FHIT: variants seen among roughly 807,000 people sequenced by gnomAD.
FHIT encodes bis(5'-adenosyl)-triphosphatase.
A neutral mutation model predicts 17.9 loss-of-function variants in FHIT; 19 were observed. The observed-to-expected ratio is 1.06, with a 90% confidence interval of 0.74 to 1.56. The LOEUF (loss-of-function observed/expected upper bound fraction) is 1.56. FHIT is among the 40% of genes most tolerant of loss of function. The pLI is 0.00. For missense variants in FHIT, 248 were observed against 189.2 expected, an observed-to-expected ratio of 1.31 and a Z score of -1.82; for synonymous variants, 81 against 69.7, an observed-to-expected ratio of 1.16 and a Z score of -0.81.
Position 59,934,613 on chromosome 3 carries a change from G to A in FHIT, c.280-12199C>T, listed in dbSNP as rs540678868. 9.2e-5 allele frequency among the ~76,000 whole-genome samples: 14 copies of A among 152,238 alleles called. No homozygotes were observed. The South Asian group carries it at 2.7e-3, about 29-fold the overall frequency. On this transcript the variant is annotated intron_variant, in intron 7 of 9. Transcript: ENST00000492590. ...AATAAAGACATACCTGAGACTGGGTGATTTATAAAGGAAAGAGGTTTAATT... is the reference window on the plus strand; with the variant it reads ...AATAAAGACATACCTGAGACTGGGTAATTTATAAAGGAAAGAGGTTTAATT...
intron 7 of FHIT, among the ~76,000 whole-genome samples, chr3:59,970,825 TC>T (rs1488670961): frequency 1.5e-5 from 2 of 132,336 alleles, no homozygotes; most frequent in East Asian, 4.3e-4. Context: ...AACCTGCACG[TC>T]CCACTCCAGC....
At chr3:60,585,281 C>T (rs1334108638) in intron 4 of FHIT, among the ~76,000 whole-genome samples, 9 of 151,898 alleles carry the variant, frequency 5.9e-5, no homozygotes, top group East Asian at 1.9e-4. Flanking sequence ...CACATTCATG[C>T]GTAATCAGAG....
chr3:60,504,574 T>C (rs901265503), intron 5 of FHIT, among the ~76,000 whole-genome samples: 8 of 152,182 alleles, frequency 5.3e-5, no homozygotes. Flanking sequence ...AACTGCCAAA[T>C]ACAATATATT....
chr3:60,636,692 G>A (rs976193655), intron 4 of FHIT, among the ~76,000 whole-genome samples: 11 of 152,096 alleles, frequency 7.2e-5, no homozygotes, highest in Admixed American at 1.3e-4. Context: ...CCTCTCCAGC[G>A]TCCTGTGCTC....
chr3:60,601,912 T>C (rs2038456198), intron 4 of FHIT, among the ~76,000 whole-genome samples: 1 of 138,164 alleles, frequency 7.2e-6, no homozygotes, highest in Admixed American at 8.0e-5. Context: ...CTTAATTAAT[T>C]CATTAGAAAC....
At chr3:59,995,647 C>A (rs530369509) in intron 7 of FHIT, among the ~76,000 whole-genome samples, 30 of 152,180 alleles carry the variant, frequency 2.0e-4, no homozygotes, top group African/African-American at 7.0e-4. Context: ...ATGGTGAAAG[C>A]ACATCTTAGG....
At chr3:60,510,820 T>A (rs2034923391) in intron 5 of FHIT, among the ~76,000 whole-genome samples, 1 of 152,220 alleles carries the variant, frequency 6.6e-6, no homozygotes, top group African/African-American at 2.4e-5. Context: ...GGAATGACTA[T>A]AGTGCCATTA....
At chr3:60,851,850 T>C (rs1703167098) in intron 3 of FHIT, among the ~76,000 whole-genome samples, 1 of 152,136 alleles carries the variant, frequency 6.6e-6, no homozygotes, top group African/African-American at 2.4e-5. Flanking sequence ...TAGTTAAACT[T>C]GTAATATTTT....
chr3:60,123,991 TATATATATATATATATATAGAGAG>T (rs1242687790), intron 5 of FHIT, among the ~76,000 whole-genome samples: 14 of 48,700 alleles, frequency 2.9e-4, no homozygotes, highest in Non-Finnish European at 3.6e-4. Flanking sequence ...TATATATATA[TATATATATATATATATATAGAGAG>T]AGAGAGAGAG....
intron 5 of FHIT, among the ~76,000 whole-genome samples, chr3:60,408,167 A>C (rs1465661502): frequency 6.6e-6 from 1 of 152,170 alleles, no homozygotes; most frequent in Non-Finnish European, 1.5e-5. Context: ...CTTTTCAAGG[A>C]AGCTGCCTGG....
intron 5 of FHIT, among the ~76,000 whole-genome samples, chr3:60,164,246 C>T (rs184090506): frequency 1.4e-4 from 21 of 152,218 alleles, no homozygotes; most frequent in South Asian, 4.1e-4. Flanking sequence ...GAACTTTCTG[C>T]CAAAGGTGTT....
chr3:60,699,761 A>T (rs1553701589), intron 4 of FHIT, among the ~76,000 whole-genome samples: 1 of 148,904 alleles, frequency 6.7e-6, no homozygotes, highest in Non-Finnish European at 1.5e-5. Context: ...ATACACACAC[A>T]CACACACACA....
At chr3:60,425,114 T>C (rs1383386695) in intron 5 of FHIT, among the ~76,000 whole-genome samples, 1 of 151,976 alleles carries the variant, frequency 6.6e-6, no homozygotes, top group African/African-American at 2.4e-5. Context: ...GGAGGATGGT[T>C]GCAACACATC....
intron 5 of FHIT, among the ~76,000 whole-genome samples, chr3:60,262,028 G>A (rs72872816): frequency 0.013 from 2,030 of 151,986 alleles, 38 homozygotes; most frequent in African/African-American, 0.046. Flanking sequence ...ATTAAAACAT[G>A]TACATTTCCC....
chr3:60,865,771 A>T (rs1396912065), intron 3 of FHIT, among the ~76,000 whole-genome samples: 1 of 152,130 alleles, frequency 6.6e-6, no homozygotes, highest in Non-Finnish European at 1.5e-5. Context: ...AGGCTGAAGC[A>T]AAGAGAGGGC....
In FHIT at chr3:61,141,217, C is replaced by T. The variant is rs138547219; in HGVS notation, c.-164+59400G>A. ...CAGAACAGGACCACCTGCTTGGTGG[C>T]ATCTTTTTAATAAAGACAGCAATAG... On this transcript the variant is annotated intron_variant, in intron 2 of 9. Transcript: ENST00000492590. Among the ~76,000 whole-genome samples, 1,297 of 152,136 alleles carry T rather than the reference C, an allele frequency of 8.5e-3. 14 individuals carry two copies. Among genetic ancestry groups the T allele is most frequent in the Non-Finnish European group, 0.014 (981 of 67,976 alleles).
At chr3:59,907,294 C>G (rs1448575277) in intron 8 of FHIT, among the ~76,000 whole-genome samples, 5 of 152,206 alleles carry the variant, frequency 3.3e-5, no homozygotes, top group Admixed American at 3.3e-4. Context: ...TAATTTCTTA[C>G]CCATGTGTAG....
chr3:60,965,783 T>G (rs1045405843), intron 3 of FHIT, among the ~76,000 whole-genome samples: 1 of 152,320 alleles, frequency 6.6e-6, no homozygotes, highest in Admixed American at 6.5e-5. Context: ...TGTTGCTGCC[T>G]GATCCTTCCT....
At chr3:60,365,428 A>C (rs1299723538) in intron 5 of FHIT, among the ~76,000 whole-genome samples, 2 of 152,030 alleles carry the variant, frequency 1.3e-5, no homozygotes, top group Non-Finnish European at 2.9e-5. Context: ...ATTCTATCAC[A>C]ATTCACGTTT....
Sources: gnomAD v4.1 joint callset for allele counts (sites outside exome capture counted in the v4.1 genomes callset) on GRCh38, gnomAD v4.1.1 for gene constraint, MANE v1.5 for transcripts, NCBI Gene and HGNC (gene_info 2026-07-23, HGNC 2026-07-21) for gene names.